APBA2: variants seen among roughly 807,000 people sequenced by gnomAD.
APBA2 encodes the protein amyloid beta precursor protein binding family A member 2.
In APBA2, 30 loss-of-function variants were observed where a neutral mutation model predicts 75.0. The observed-to-expected ratio is 0.40, with a 90% CI of 0.30 to 0.54. The LOEUF (loss-of-function observed/expected upper bound fraction) is 0.54, where lower values mean the gene tolerates loss of function less well. Ranked by LOEUF, APBA2 falls within the 20% of genes least tolerant of loss-of-function variation. APBA2 has a pLI of 0.49. For missense variants in APBA2, 801 were observed against 1,016.1 expected, an observed-to-expected ratio of 0.79 and a Z score of 2.88; for synonymous variants, 444 against 409.6, an observed-to-expected ratio of 1.08 and a Z score of -1.01.
chr15:28,914,318 C>T (rs2152655459), intron 1 of APBA2, among the ~76,000 whole-genome samples: 1 of 152,228 alleles, frequency 6.6e-6, no homozygotes, highest in East Asian at 1.9e-4. Context: ...TATTAGGTGA[C>T]TTTTGAAGGG....
intron 2 of APBA2, among the ~76,000 whole-genome samples, chr15:28,979,004 T>C (rs920703251): frequency 2.6e-5 from 4 of 152,232 alleles, no homozygotes; most frequent in African/African-American, 9.6e-5. Context: ...TCTCTGGCTA[T>C]CTGGCTACAA....
At chr15:29,076,123 G>A in intron 6 of APBA2, 32 bp downstream of exon 6, 1 of 1,610,980 alleles carries the variant, frequency 6.2e-7, no homozygotes, top group South Asian at 1.1e-5. Flanking sequence ...TTCTCAAGGG[G>A]CAGTTGCATT....
At chr15:29,019,414 A>G (rs1475041579) in intron 3 of APBA2, among the ~76,000 whole-genome samples, 1 of 152,252 alleles carries the variant, frequency 6.6e-6, no homozygotes, top group Non-Finnish European at 1.5e-5. Context: ...GCATTCGGGA[A>G]GAAAATTCAG....
chr15:29,045,069 TTCTCTCTCTCTC>T lies in APBA2; in HGVS notation c.-40-8753_-40-8742del, dbSNP rs1555399868. On this transcript the variant is annotated intron_variant, in intron 3 of 14. Coordinates refer to ENST00000683413, the MANE Select transcript of APBA2 (RefSeq NM_001353788.2). ...CCTTCCTCTCTCCCTCCCTCCCTCCTTCTCTCTCTCTCTCTCTCTCTCTCTCTCTCTCTCGTC... is the reference window on the plus strand; with the variant it reads ...CCTTCCTCTCTCCCTCCCTCCCTCCTTCTCTCTCTCTCTCTCTCTCTCGTC... Among the ~76,000 whole-genome samples the T allele has an allele frequency of 9.8e-3, 811 of 82,884 alleles. 8 individuals are homozygous for T. The highest frequency in any genetic ancestry group is 0.085 in the African/African-American group (734 of 8,656). 54.4% of individuals were successfully genotyped at this position (82,884 alleles called of 152,430 possible).
At chr15:28,911,831 G>A (rs2033443169) in intron 1 of APBA2, among the ~76,000 whole-genome samples, 1 of 152,128 alleles carries the variant, frequency 6.6e-6, no homozygotes, top group Admixed American at 6.5e-5. Context: ...ATGGAGGGAT[G>A]GAAATAGATG....
intron 2 of APBA2, among the ~76,000 whole-genome samples, chr15:28,942,779 A>G (rs936015712): frequency 6.6e-6 from 1 of 152,214 alleles, no homozygotes; most frequent in Non-Finnish European, 1.5e-5. Context: ...TGTGCAGGCC[A>G]GAAGGACATG....
chr15:29,104,290 G>T (rs965860907), intron 10 of APBA2, among the ~76,000 whole-genome samples: 7 of 152,222 alleles, frequency 4.6e-5, no homozygotes, highest in Admixed American at 6.5e-5. Flanking sequence ...AGCGCATAAG[G>T]AGGGCTCACA....
At chr15:29,021,800 A>G (rs1350005599) in intron 3 of APBA2, among the ~76,000 whole-genome samples, 1 of 151,742 alleles carries the variant, frequency 6.6e-6, no homozygotes, top group Non-Finnish European at 1.5e-5. Flanking sequence ...GCATCTTTCC[A>G]CTTCCCCTAC....
At chr15:28,938,004 T>C (rs2066621408) in intron 2 of APBA2, among the ~76,000 whole-genome samples, 1 of 152,168 alleles carries the variant, frequency 6.6e-6, no homozygotes, top group Admixed American at 6.5e-5. Flanking sequence ...GGACTTAGTG[T>C]CTTTAGCTCC....
chr15:29,053,553 A>T (rs2041710390), intron 3 of APBA2, among the ~76,000 whole-genome samples: 1 of 152,210 alleles, frequency 6.6e-6, no homozygotes, highest in Admixed American at 6.5e-5. Context: ...ACTGAGTGAG[A>T]AGTCAGGAAT....
At chr15:29,074,811 A>AC in intron 4 of APBA2, 110 bp from the exon 5 acceptor site, 1 of 860,642 alleles carries the variant, frequency 1.2e-6, no homozygotes. Flanking sequence ...CTATACACAT[A>AC]CAGACATACA....
At chr15:28,968,217 G>A (rs1401127653) in intron 2 of APBA2, among the ~76,000 whole-genome samples, 1 of 152,226 alleles carries the variant, frequency 6.6e-6, no homozygotes, top group Non-Finnish European at 1.5e-5. Context: ...CCACGTTTTG[G>A]GGACTGTGAA....
rs188320403 is a variant in APBA2, at chr15:28,923,869, T to G, written c.-95+2120T>G. On this transcript the variant is annotated intron_variant, in intron 2 of 14. Transcript: ENST00000683413. ...CTGGGCATGAAAAGGCTTCTCTGCC[T>G]CCACCGCCCCCCCGGGGCTCCTCAT... 5.4e-4 allele frequency among the ~76,000 whole-genome samples: 82 copies of G among 152,302 alleles called. No individual in the cohort carries two copies. In the East Asian group the frequency reaches 0.014, roughly 25 times the overall value.
chr15:29,066,363 G>A (rs1293806517), intron 4 of APBA2, among the ~76,000 whole-genome samples: 3 of 152,130 alleles, frequency 2.0e-5, no homozygotes, highest in African/African-American at 7.2e-5. Context: ...GATTTCAATG[G>A]TATTCACCCT....
intron 3 of APBA2, among the ~76,000 whole-genome samples, chr15:29,050,847 T>A (rs536115278): frequency 7.7e-4 from 117 of 152,332 alleles, no homozygotes; most frequent in African/African-American, 2.7e-3. Context: ...TGTGCATACC[T>A]TCAACGTGCA....
intron 1 of APBA2, among the ~76,000 whole-genome samples, chr15:28,899,789 C>CT (rs1191288488): frequency 6.6e-6 from 1 of 152,086 alleles, no homozygotes; most frequent in Non-Finnish European, 1.5e-5. Flanking sequence ...GTGGTCGCCT[C>CT]TGTGTGTTGG....
rs574775690 is a variant in APBA2 at position 28,992,182 on chromosome 15, G to A, written c.-94-3571G>A. On this transcript the variant is annotated intron_variant, in intron 2 of 14. Transcript: ENST00000683413. ...ACATGAGCTGCCCTATTGGGGTTCCGTCAAGTTTCTCTTAGCCTAAGCGGC... is the reference window on the plus strand; with the variant it reads ...ACATGAGCTGCCCTATTGGGGTTCCATCAAGTTTCTCTTAGCCTAAGCGGC... Among the ~76,000 whole-genome samples the A allele has an allele frequency of 4.6e-5, 7 of 152,186 alleles. No individual in the cohort carries two copies. In the East Asian group the frequency reaches 9.7e-4, roughly 21 times the overall value.
chr15:29,030,410 C>G (rs1490850581), intron 3 of APBA2, among the ~76,000 whole-genome samples: 1 of 151,662 alleles, frequency 6.6e-6, no homozygotes, highest in Non-Finnish European at 1.5e-5. Context: ...TGCAGTGAGC[C>G]GAGATGGCCC....
At chr15:29,026,315 A>G (rs1415018794) in intron 3 of APBA2, among the ~76,000 whole-genome samples, 1 of 152,142 alleles carries the variant, frequency 6.6e-6, no homozygotes, top group Admixed American at 6.5e-5. Flanking sequence ...GGTAGGTTCA[A>G]GTTATCGCTG....
Sources: allele counts gnomAD v4.1 joint callset (sites outside exome capture counted in the v4.1 genomes callset), GRCh38; gene constraint gnomAD v4.1.1; transcripts MANE v1.5; gene names NCBI Gene and HGNC (gene_info 2026-07-23, HGNC 2026-07-21).